The following RNF115 variants were observed in gnomAD, a reference collection of about 807,000 sequenced individuals.
The protein encoded by RNF115 is E3 ubiquitin-protein ligase RNF115.
RNF115 carries 31 observed loss-of-function variants against 39.2 expected under a neutral mutation model. The observed-to-expected ratio is 0.79, with a 90% confidence interval of 0.59 to 1.07. The LOEUF (loss-of-function observed/expected upper bound fraction) is 1.07, where lower values mean the gene tolerates loss of function less well. Among genes scored for constraint, RNF115 ranks in the 50% least tolerant of loss-of-function variants. RNF115 has a pLI of 0.00. For synonymous variants in RNF115, 124 were observed against 131.0 expected, an observed-to-expected ratio of 0.95 and a Z score of 0.37; for missense variants, 384 against 381.7, an observed-to-expected ratio of 1.01 and a Z score of -0.05.
chr1:145,780,097 G>A (rs587688161), intron 3 of RNF115, among the ~76,000 whole-genome samples: 5 of 151,924 alleles, frequency 3.3e-5, no homozygotes, highest in Non-Finnish European at 5.9e-5. Flanking sequence ...GTTTGGCGGC[G>A]GGGGCCTGTA....
chr1:145,767,706 T>G (rs1343872251), intron 4 of RNF115, among the ~76,000 whole-genome samples: 1 of 152,196 alleles, frequency 6.6e-6, no homozygotes, highest in Non-Finnish European at 1.5e-5. Flanking sequence ...TGAACGCAAC[T>G]CCGTCTGCCA....
At chr1:145,752,023 T>G (rs587774236) in intron 5 of RNF115, among the ~76,000 whole-genome samples, 21 of 151,250 alleles carry the variant, frequency 1.4e-4, no homozygotes, top group African/African-American at 4.6e-4. Context: ...GGCAACACCG[T>G]TTTTTTTTAT....
intron 3 of RNF115, 55 bp downstream of exon 3, chr1:145,784,484 G>A: frequency 6.7e-7 from 1 of 1,491,766 alleles, no homozygotes; most frequent in Non-Finnish European, 9.4e-7. Flanking sequence ...TATCTGCCAT[G>A]ATTTTAACAC....
At chr1:145,761,507 G>A (rs1456581076) in intron 4 of RNF115, among the ~76,000 whole-genome samples, 1 of 152,258 alleles carries the variant, frequency 6.6e-6, no homozygotes, top group Non-Finnish European at 1.5e-5. Context: ...TTCAGAGAGT[G>A]CAAGCCCAAA....
chr1:145,761,088 C>A (rs1025269738), intron 4 of RNF115, among the ~76,000 whole-genome samples: 2 of 152,156 alleles, frequency 1.3e-5, no homozygotes. Context: ...TTCAGAATAT[C>A]TGGTGGAAGA....
In RNF115 at chr1:145,742,192, C is replaced by G. The variant is rs1251304006; in HGVS notation, c.*4674G>C. On this transcript the variant is annotated 3_prime_UTR_variant, in exon 9 of 9. Transcript: ENST00000582693. ...TCATTTAAAACAGACACAGACTATG[C>G]TTCCCTCCTGATTTATTAAGACCGA... 6.6e-6 allele frequency: 1 copy of G among 152,168 alleles called. No individual in the cohort carries two copies. The highest frequency in any genetic ancestry group is 1.5e-5 in the Non-Finnish European group (1 of 68,042). The allele number at this position is 152,168 out of a possible 1,614,324, so 9.4% of individuals were successfully genotyped here.
intron 5 of RNF115, among the ~76,000 whole-genome samples, chr1:145,752,378 C>T (rs948206236): frequency 3.3e-5 from 5 of 152,076 alleles, no homozygotes; most frequent in South Asian, 4.1e-4. Context: ...CTGGCAGGGA[C>T]CATCTCATTC....
rs1648532874 is a variant in RNF115 at position 145,789,111 on chromosome 1, TTTC to T, written c.103-148_103-146del. 5.1e-6 allele frequency: 3 copies of T among 587,360 alleles called. No homozygotes were observed. In the Admixed American group the frequency reaches 9.0e-5, roughly 18 times the overall value. The allele number at this position is 587,360 out of a possible 1,614,324, so 36.4% of individuals were successfully genotyped here. A position where few individuals can be genotyped will look rare whatever the true frequency, so the allele number is the denominator to read the frequency against. On this transcript the variant is annotated intron_variant, in intron 1 of 8. Transcript: ENST00000582693. ...GACTCAAGTAGTTTTTGTTTTTTTT[TTTC>T]TTTTGTGAGACAGGGTCTCACTCTG...
Position 145,746,984 on chromosome 1 carries a change from G to A in RNF115, c.797C>T (p.Pro266Leu). The change falls in exon 9 of 9, where the codon CCT becomes CTT. Residue 266 changes from proline (P) to leucine (L), a missense_variant. Transcript: ENST00000582693. The stretch of plus-strand genomic sequence containing the variant: ...ACCATTTAAGCTCTTCCTACATACA[G>A]GACATGTGTCATGCTGAAACAGAAA... Reference protein sequence around the residue: ...VPWLELHDTCPVCRKSLNGED... With the variant: ...VPWLELHDTCLVCRKSLNGED... 6.2e-7 allele frequency: 1 copy of A among 1,612,646 alleles called. No individual in the cohort carries two copies. Among genetic ancestry groups the A allele is most frequent in the Non-Finnish European group, 8.5e-7 (1 of 1,179,116 alleles).
intron 4 of RNF115, among the ~76,000 whole-genome samples, chr1:145,762,640 C>T (rs1335080322): frequency 2.0e-5 from 3 of 151,764 alleles, no homozygotes; most frequent in African/African-American, 7.3e-5. Context: ...CTGGATAAGG[C>T]TGTCTTTTTA....
rs1657726609 is a variant in RNF115 at position 145,742,751 on chromosome 1, T to C, written c.*4115A>G. 1 of 151,194 alleles carries C rather than the reference T, an allele frequency of 6.6e-6. No individual in the cohort carries two copies. The highest frequency in any genetic ancestry group is 1.5e-5 in the Non-Finnish European group (1 of 67,872). 9.4% of individuals were successfully genotyped at this position (151,194 alleles called of 1,614,324 possible). A position where few individuals can be genotyped will look rare whatever the true frequency, so the allele number is the denominator to read the frequency against. On this transcript the variant is annotated 3_prime_UTR_variant, in exon 9 of 9. Coordinates refer to ENST00000582693, the MANE Select transcript of RNF115 (RefSeq NM_014455.4). ...GCAATACAAAGACATAAGCAAGGAG[T>C]TTTTCCTAATAACTATTTAATCAGA...
intron 5 of RNF115, 70 bp from the exon 6 acceptor site, chr1:145,751,580 T>C (rs2101463363): frequency 1.5e-5 from 16 of 1,080,956 alleles, no homozygotes; most frequent in Middle Eastern, 2.1e-4. Flanking sequence ...CAGAAAAAAA[T>C]TGGCAGAGGG....
At chr1:145,810,584 C>T (rs1438504744) in intron 1 of RNF115, among the ~76,000 whole-genome samples, 27 of 71,810 alleles carry the variant, frequency 3.8e-4, no homozygotes, top group Non-Finnish European at 6.5e-4. Context: ...TGCAGCCAAC[C>T]ACCATGGCAC....
intron 2 of RNF115, among the ~76,000 whole-genome samples, chr1:145,788,530 C>T (rs1648493477): frequency 6.6e-6 from 1 of 152,182 alleles, no homozygotes; most frequent in African/African-American, 2.4e-5. Context: ...AGCAGTTTAC[C>T]TTCAGACAGC....
At chr1:145,816,772 CTCTCTCT>C in intron 1 of RNF115, among the ~76,000 whole-genome samples, 1 of 145,296 alleles carries the variant, frequency 6.9e-6, no homozygotes, top group South Asian at 2.4e-4. Flanking sequence ...CCTCTCTCCC[CTCTCTCT>C]TCTCTCTCAT....
chr1:145,776,989 G>A (rs1647918044), intron 3 of RNF115, among the ~76,000 whole-genome samples: 1 of 152,056 alleles, frequency 6.6e-6, no homozygotes, highest in African/African-American at 2.4e-5. Flanking sequence ...TCTGAAAAAC[G>A]GTCTAGAACA....
chr1:145,784,727 T>G, intron 2 of RNF115, 131 bp from the exon 3 acceptor site: 1 of 654,038 alleles, frequency 1.5e-6, no homozygotes, highest in Non-Finnish European at 2.7e-6. Context: ...ACAACACCTA[T>G]TAAAGGAAAT....
At chr1:145,752,172 G>A (rs587645899) in intron 5 of RNF115, among the ~76,000 whole-genome samples, 4 of 152,206 alleles carry the variant, frequency 2.6e-5, no homozygotes, top group Admixed American at 2.6e-4. Context: ...TCTCAGACAA[G>A]AAGAAATTCC....
At chr1:145,788,668 C>G (rs1648498557) in intron 2 of RNF115, 2 of 632,210 alleles carry the variant, frequency 3.2e-6, no homozygotes, top group Middle Eastern at 4.0e-4. Context: ...CAATCAGGAG[C>G]AGTGCGTATC....
Sources: allele counts gnomAD v4.1 joint callset (sites outside exome capture counted in the v4.1 genomes callset), GRCh38; gene constraint gnomAD v4.1.1; transcripts MANE v1.5; gene names NCBI Gene and HGNC (gene_info 2026-07-23, HGNC 2026-07-21).